The following PCDHGA7 variants were observed in gnomAD, a reference collection of about 807,000 sequenced individuals.
PCDHGA7 encodes protocadherin gamma-A7.
In PCDHGA7, 44 loss-of-function variants were observed where a neutral mutation model predicts 58.3. The observed-to-expected ratio is 0.75, with a 90% CI of 0.59 to 0.97. The LOEUF is 0.97. PCDHGA7 is among the 50% of genes least tolerant of loss of function. The pLI is 0.00. For missense variants in PCDHGA7, 1,266 were observed against 1,188.7 expected, an observed-to-expected ratio of 1.06 and a Z score of -0.96; for synonymous variants, 516 against 504.2, an observed-to-expected ratio of 1.02 and a Z score of -0.31.
intron 2 of PCDHGA7, among the ~76,000 whole-genome samples, chr5:141,498,555 C>T (rs2099784323): frequency 6.6e-6 from 1 of 152,032 alleles, no homozygotes; most frequent in South Asian, 2.1e-4. Flanking sequence ...GACACACCAG[C>T]TTCAAAGCAG....
intron 1 of PCDHGA7, among the ~76,000 whole-genome samples, chr5:141,407,095 T>C (rs1242751445): frequency 6.6e-6 from 1 of 152,370 alleles, no homozygotes; most frequent in East Asian, 1.9e-4. Flanking sequence ...ATTGTTTTAT[T>C]TGTTTGTAAT....
rs1596259997 is a variant in PCDHGA7, at chr5:141,509,990, A to G, written c.2573-957A>G. Among the ~76,000 whole-genome samples the G allele has an allele frequency of 2.6e-5, 4 of 152,266 alleles. No individual in the cohort carries two copies. The South Asian group carries it at 8.3e-4, about 32-fold the overall frequency. ...GGTCCTTCTAACACTTGGTTCCCTC[A>G]TCTGTAAAATGAGGGTCATACCACA... is the stretch of plus-strand genomic sequence containing the variant. On this transcript the variant is annotated intron_variant, in intron 3 of 3. Transcript: ENST00000518325.
chr5:141,427,034 A>G (rs762633589), intron 1 of PCDHGA7: 7 of 457,110 alleles, frequency 1.5e-5, no homozygotes, highest in Non-Finnish European at 2.6e-5. Flanking sequence ...TCAGCCTTAG[A>G]GAGAATGTGC....
chr5:141,459,260 T>G (rs551625614), intron 1 of PCDHGA7, among the ~76,000 whole-genome samples: 1 of 152,344 alleles, frequency 6.6e-6, no homozygotes, highest in South Asian at 2.1e-4. Flanking sequence ...TAAATTAGTG[T>G]TGCCTCTTTC....
chr5:141,497,100 T>A (rs886445893), intron 2 of PCDHGA7, among the ~76,000 whole-genome samples: 2 of 151,774 alleles, frequency 1.3e-5, no homozygotes, highest in Non-Finnish European at 2.9e-5. Context: ...GAGGCAGAAC[T>A]GCTTGAACCC....
In PCDHGA7 at chr5:141,385,263, T is replaced by G; in HGVS notation, c.2364T>G (p.Asn788Lys). 1 of 1,613,672 alleles carries G rather than the reference T, an allele frequency of 6.2e-7. No homozygotes were observed. Among genetic ancestry groups the G allele is most frequent in the Non-Finnish European group, 8.5e-7 (1 of 1,179,586 alleles). The change falls in exon 1 of 4, where the codon AAT (asparagine) becomes AAG (lysine). Residue 788 changes from asparagine (N) to lysine (K), a missense_variant. Asn to Lys is a moderately conservative substitution (Grantham distance 94). Transcript: ENST00000518325. ...TCAGCCAGGAGAGCTGTGAGAAAAA[T>G]GATTCTTTGCTAACATCCGTAGATT... ...MLISQESCEK[N>K]DSLLTSVDFQ...
At chr5:141,404,580 G>C (rs769739876) in intron 1 of PCDHGA7, 2 of 1,613,866 alleles carry the variant, frequency 1.2e-6, no homozygotes, top group Non-Finnish European at 1.7e-6. Context: ...CCACCACTTA[G>C]CAGCAATGTG....
intron 3 of PCDHGA7, among the ~76,000 whole-genome samples, chr5:141,506,012 T>C (rs2099850012): frequency 6.6e-6 from 1 of 152,208 alleles, no homozygotes; most frequent in Non-Finnish European, 1.5e-5. Context: ...CCTCTTTTGC[T>C]GCCCCTAACT....
rs1303365585 is a variant in PCDHGA7 at position 141,511,350 on chromosome 5, C to A, written c.*177C>A. 2.1e-5 allele frequency: 30 copies of A among 1,397,076 alleles called. No individual in the cohort carries two copies. Among genetic ancestry groups the A allele is most frequent in the African/African-American group, 1.7e-4 (12 of 68,780 alleles). The allele number at this position is 1,397,076 out of a possible 1,614,324, so 86.5% of individuals were successfully genotyped here. Reference sequence around the variant, plus strand: ...CCCAGTCAGCACCTACCCCTTCCCCCCCAGGGGGTTGAATATGCAAAAGCA... The same window carrying A: ...CCCAGTCAGCACCTACCCCTTCCCCACCAGGGGGTTGAATATGCAAAAGCA... On this transcript the variant is annotated 3_prime_UTR_variant, in exon 4 of 4. Transcript: ENST00000518325.
rs11575965 is a variant in PCDHGA7 at position 141,430,679 on chromosome 5, T to C, written c.2424+45356T>C. 6,478 of 1,333,262 alleles carry C rather than the reference T, an allele frequency of 4.9e-3. 34 individuals carry two copies. Among genetic ancestry groups the C allele is most frequent in the Admixed American group, 9.3e-3 (354 of 37,978 alleles). 82.6% of individuals were successfully genotyped at this position (1,333,262 alleles called of 1,614,324 possible). ...CGGAGGAGCTCTGACTTCCCAACTG[T>C]CCCATTCTATGGGCGAAGGAACTGC... On this transcript the variant is annotated intron_variant, in intron 1 of 3. Coordinates refer to ENST00000518325, the MANE Select transcript of PCDHGA7 (RefSeq NM_018920.4).
rs562872139 is a variant in PCDHGA7 at position 141,408,923 on chromosome 5, G to A, written c.2424+23600G>A. The A allele has an allele frequency of 5.6e-6, 9 of 1,613,488 alleles. No individual in the cohort carries two copies. The African/African-American group carries it at 1.1e-4, about 19-fold the overall frequency. ...CAAGGATACCAATGATAACCCCCCG[G>A]TTTTCAGCAGAGACGAATATAGAAT... On this transcript the variant is annotated intron_variant, in intron 1 of 3. Coordinates refer to ENST00000518325, the MANE Select transcript of PCDHGA7 (RefSeq NM_018920.4).
chr5:141,428,180 C>A, intron 1 of PCDHGA7: 1 of 1,486,268 alleles, frequency 6.7e-7, no homozygotes, highest in Non-Finnish European at 9.2e-7. Flanking sequence ...TGACGGAGGA[C>A]AGCCGCCGCT....
intron 1 of PCDHGA7, chr5:141,422,758 A>AAC (rs748292321): frequency 6.2e-7 from 1 of 1,613,150 alleles, no homozygotes. Flanking sequence ...TATTAACTCC[A>AAC]ACACTGGTGT....
chr5:141,478,711 T>C, intron 1 of PCDHGA7: 3 of 1,547,346 alleles, frequency 1.9e-6, no homozygotes, highest in Non-Finnish European at 1.7e-6. Flanking sequence ...CTTTGTGAGA[T>C]GGTGGCCTGC....
At chr5:141,488,762 C>T (rs1470160100) in intron 1 of PCDHGA7, among the ~76,000 whole-genome samples, 1 of 152,142 alleles carries the variant, frequency 6.6e-6, no homozygotes, top group Non-Finnish European at 1.5e-5. Context: ...TGGGACAGAA[C>T]GCTGAGGAGT....
chr5:141,390,404 G>T, intron 1 of PCDHGA7: 1 of 1,262,098 alleles, frequency 7.9e-7, no homozygotes. Flanking sequence ...TTTTAGGAAA[G>T]TTGTAGTCAG....
At chr5:141,429,105 C>G (rs936114624) in intron 1 of PCDHGA7, 1 of 152,318 alleles carries the variant, frequency 6.6e-6, no homozygotes, top group Non-Finnish European at 1.5e-5. Flanking sequence ...CTGCCCGCCT[C>G]GGCCTCCCAA....
chr5:141,386,612 T>C (rs2090642858), intron 1 of PCDHGA7, among the ~76,000 whole-genome samples: 1 of 152,012 alleles, frequency 6.6e-6, no homozygotes, highest in South Asian at 2.1e-4. Context: ...TTTTTTGACA[T>C]GGAGTCTCGC....
At position 141,489,635 on chromosome 5, in the gene PCDHGA7, G is replaced by C. The variant is rs1380466520; in HGVS notation, c.2425-5172G>C. 2 of 1,614,142 alleles carry C rather than the reference G, an allele frequency of 1.2e-6. No homozygotes were observed. The highest frequency in any genetic ancestry group is 3.3e-5 in the Admixed American group (2 of 60,016). ...CTGGATCTCAATGACAACTCTCCTAGCTTTGCCACCCCTGAGCGAGAGATG... is the reference window on the plus strand; with the variant it reads ...CTGGATCTCAATGACAACTCTCCTACCTTTGCCACCCCTGAGCGAGAGATG... On this transcript the variant is annotated intron_variant, in intron 1 of 3. Transcript: ENST00000518325. This position sits in a 1 kb window ranked among gnomAD's most constrained non-coding sequence, Gnocchi z 4.5.
Sources: gnomAD v4.1 joint callset for allele counts (sites outside exome capture counted in the v4.1 genomes callset) on GRCh38, gnomAD v4.1.1 for gene constraint, Gnocchi (gnomAD v3.1) non-coding constraint, MANE v1.5 for transcripts, NCBI Gene and HGNC (gene_info 2026-07-23, HGNC 2026-07-21) for gene names.